The following TYW1 variants were observed in gnomAD, a reference collection of about 807,000 sequenced individuals.
TYW1 encodes the protein S-adenosyl-L-methionine-dependent tRNA 4-demethylwyosine synthase TYW1.
A neutral mutation model predicts 96.2 loss-of-function variants in TYW1; 46 were observed. The ratio of observed to expected loss-of-function variants is 0.48; its 90% CI spans 0.38 to 0.61. The LOEUF (loss-of-function observed/expected upper bound fraction) is 0.61, where lower values mean the gene tolerates loss of function less well. Among genes scored for constraint, TYW1 ranks in the 20% least tolerant of loss-of-function variants. The pLI is 0.00. For synonymous variants in TYW1, 274 were observed against 323.0 expected (o/e 0.85, Z 1.63); for missense variants, 684 against 909.6 (o/e 0.75, Z 3.19).
intron 3 of TYW1, among the ~76,000 whole-genome samples, chr7:67,005,408 C>T (rs946604110): frequency 3.9e-5 from 6 of 152,144 alleles, no homozygotes; most frequent in African/African-American, 1.4e-4. Context: ...CCAACCTGTG[C>T]AACATGGCAA....
At chr7:67,157,095 G>A (rs1157004982) in intron 13 of TYW1, among the ~76,000 whole-genome samples, 1 of 151,924 alleles carries the variant, frequency 6.6e-6, no homozygotes, top group Non-Finnish European at 1.5e-5. Context: ...CTTTGTGGAG[G>A]AGGTGAGTAC....
chr7:67,113,075 A>G (rs1797474569), intron 12 of TYW1, among the ~76,000 whole-genome samples: 1 of 152,072 alleles, frequency 6.6e-6, no homozygotes, highest in Non-Finnish European at 1.5e-5. Flanking sequence ...ATCCGTGGAA[A>G]TGATCTCATT....
chr7:67,175,860 A>G (rs1205393709), intron 13 of TYW1, among the ~76,000 whole-genome samples: 2 of 152,222 alleles, frequency 1.3e-5, no homozygotes, highest in Admixed American at 1.3e-4. Flanking sequence ...TAAGACAAGC[A>G]TACCCACTAT....
At chr7:67,006,445 T>C (rs1052012606) in intron 3 of TYW1, among the ~76,000 whole-genome samples, 5 of 145,176 alleles carry the variant, frequency 3.4e-5, no homozygotes, top group Admixed American at 6.9e-5. Context: ...TTCCTTTTTT[T>C]TTTTTTTTTT....
intron 4 of TYW1, among the ~76,000 whole-genome samples, chr7:67,011,852 G>A (rs1339871580): frequency 3.5e-5 from 5 of 144,264 alleles, no homozygotes; most frequent in Admixed American, 2.2e-4. Context: ...TAGCCTGGGC[G>A]ACAAAAGCAA....
At chr7:67,027,036 A>G (rs1224544608) in intron 7 of TYW1, among the ~76,000 whole-genome samples, 1 of 151,954 alleles carries the variant, frequency 6.6e-6, no homozygotes. Flanking sequence ...CCATCTCTAC[A>G]AGAAATAAAA....
chr7:67,239,433 T>G lies in TYW1; in HGVS notation c.*904T>G. ...TTCAAGTTGGAAAGATCATAAATAC[T>G]CAAAATTGTTTTCAAGTTAGCAAGT... On this transcript the variant is annotated 3_prime_UTR_variant, in exon 16 of 16. Transcript: ENST00000359626. The G allele has an allele frequency of 1.0e-6, 1 of 977,080 alleles. No individual in the cohort carries two copies. Among genetic ancestry groups the G allele is most frequent in the Middle Eastern group, 5.3e-4 (1 of 1,900 alleles). 60.5% of individuals were successfully genotyped at this position (977,080 alleles called of 1,614,324 possible).
chr7:67,021,642 G>T (rs1275443470), intron 6 of TYW1, among the ~76,000 whole-genome samples: 1 of 151,634 alleles, frequency 6.6e-6, no homozygotes, highest in Admixed American at 6.6e-5. Context: ...TGGAATCTTT[G>T]TGAGGACCAG....
At chr7:67,116,919 C>T (rs1422295540) in intron 12 of TYW1, among the ~76,000 whole-genome samples, 1 of 152,056 alleles carries the variant, frequency 6.6e-6, no homozygotes, top group Non-Finnish European at 1.5e-5. Flanking sequence ...CTTAAAGTTC[C>T]CCAAATGGGT....
intron 3 of TYW1, among the ~76,000 whole-genome samples, chr7:66,999,521 T>G (rs567417984): frequency 6.6e-6 from 1 of 152,132 alleles, no homozygotes; most frequent in South Asian, 2.1e-4. Flanking sequence ...CCTGGCTAAT[T>G]TTTGTATTTT....
At chr7:67,058,216 A>G (rs1432494930) in intron 9 of TYW1, among the ~76,000 whole-genome samples, 1 of 152,224 alleles carries the variant, frequency 6.6e-6, no homozygotes, top group Admixed American at 6.5e-5. Flanking sequence ...TTACAGGCGT[A>G]GGCCACTGCG....
Position 67,067,403 on chromosome 7 carries a change from G to A in TYW1, c.1274G>A (p.Arg425Gln), listed in dbSNP as rs1795898803. Reference sequence around the variant, plus strand: ...GCTAATAAATGTGTCTTCTGTTGGCGGTAAGTAAAAATGAAAGGTCATGGT... The same window carrying A: ...GCTAATAAATGTGTCTTCTGTTGGCAGTAAGTAAAAATGAAAGGTCATGGT... ...ACANKCVFCWRHHTNPVGTEW... is the reference protein window; with the variant it reads ...ACANKCVFCWQHHTNPVGTEW... The change falls in exon 10 of 16, where the codon CGG becomes CAG. Residue 425 changes from arginine (R) to glutamine (Q), a missense_variant and splice_region_variant. Arg to Gln is a conservative substitution (Grantham distance 43). Transcript: ENST00000359626. 1.2e-6 allele frequency: 2 copies of A among 1,613,906 alleles called. No individual in the cohort carries two copies. Among genetic ancestry groups the A allele is most frequent in the Non-Finnish European group, 1.7e-6 (2 of 1,179,832 alleles).
chr7:67,081,605 T>C lies in TYW1; in HGVS notation c.1275-1825T>C, dbSNP rs368096405. 1.9e-4 allele frequency among the ~76,000 whole-genome samples: 29 copies of C among 152,018 alleles called. No individual in the cohort carries two copies. In the East Asian group the frequency reaches 5.2e-3, roughly 27 times the overall value. ...TAAATGCAAACATTTGTTCATGTAA[T>C]GGTGTCCCATCATTCCTGTAGGCTT... On this transcript the variant is annotated intron_variant, in intron 10 of 15. Coordinates refer to ENST00000359626, the MANE Select transcript of TYW1 (RefSeq NM_018264.4).
intron 14 of TYW1, among the ~76,000 whole-genome samples, chr7:67,186,810 A>C (rs1800039831): frequency 6.6e-6 from 1 of 152,104 alleles, no homozygotes; most frequent in Admixed American, 6.6e-5. Flanking sequence ...GATGCTATTA[A>C]CAACAAAGTT....
rs1801987562 is a variant in TYW1 at position 67,239,263 on chromosome 7, T to G, written c.*734T>G. The G allele has an allele frequency of 8.1e-6, 8 of 985,290 alleles. No individual in the cohort carries two copies. Among genetic ancestry groups the G allele is most frequent in the Admixed American group, 6.2e-5 (1 of 16,260 alleles). 61.0% of individuals were successfully genotyped at this position (985,290 alleles called of 1,614,324 possible). A position where few individuals can be genotyped will look rare whatever the true frequency, so the allele number is the denominator to read the frequency against. ...GGAGTCATTAGTCTCACAAACACAC[T>G]TTGGACTGAAGAGGATCATTTCTTT... On this transcript the variant is annotated 3_prime_UTR_variant, in exon 16 of 16. Transcript: ENST00000359626.
At chr7:67,046,393 C>T (rs1237237209) in intron 7 of TYW1, among the ~76,000 whole-genome samples, 1 of 152,110 alleles carries the variant, frequency 6.6e-6, no homozygotes, top group African/African-American at 2.4e-5. Context: ...AACTGAAATA[C>T]AACTTACTAG....
chr7:67,062,752 C>T lies in TYW1; in HGVS notation c.1156-4533C>T, dbSNP rs112213965. Among the ~76,000 whole-genome samples, 73 of 152,144 alleles carry T rather than the reference C, an allele frequency of 4.8e-4. 1 individual carries two copies. Among genetic ancestry groups the T allele is most frequent in the African/African-American group, 1.7e-3 (70 of 41,514 alleles). ...AAACCGTAACTTATTAAAACTCAACCAAAATATATAATCGGAATAATCCTG... is the reference window on the plus strand; with the variant it reads ...AAACCGTAACTTATTAAAACTCAACTAAAATATATAATCGGAATAATCCTG... On this transcript the variant is annotated intron_variant, in intron 9 of 15. Coordinates refer to ENST00000359626, the MANE Select transcript of TYW1 (RefSeq NM_018264.4).
At chr7:67,010,820 G>C (rs570361882) in intron 4 of TYW1, among the ~76,000 whole-genome samples, 1 of 151,984 alleles carries the variant, frequency 6.6e-6, no homozygotes, top group Non-Finnish European at 1.5e-5. Flanking sequence ...TGCCCAGGTG[G>C]GTCTCGAACT....
chr7:67,139,587 A>G (rs1484359632), intron 13 of TYW1, among the ~76,000 whole-genome samples: 1 of 152,180 alleles, frequency 6.6e-6, no homozygotes, highest in Non-Finnish European at 1.5e-5. Context: ...ACCCACAGAT[A>G]TGAAAAGTTG....
Sources: gnomAD v4.1 joint callset for allele counts (sites outside exome capture counted in the v4.1 genomes callset) on GRCh38, gnomAD v4.1.1 for gene constraint, MANE v1.5 for transcripts, NCBI Gene and HGNC (gene_info 2026-07-23, HGNC 2026-07-21) for gene names.